Variants in TET1 observed in about 807,000 individuals in gnomAD.
TET1 encodes methylcytosine dioxygenase TET1.
A neutral mutation model predicts 148.7 loss-of-function variants in TET1; 13 were observed. The ratio of observed to expected loss-of-function variants is 0.09; its 90% CI spans 0.06 to 0.14. The LOEUF is 0.14. Ranked by LOEUF, TET1 falls within the 10% of genes least tolerant of loss-of-function variation. The probability of loss-of-function intolerance (pLI) is 1.00; values close to 1 mark genes in which losing one functional copy is unlikely to be tolerated. For missense variants in TET1, 2,182 were observed against 2,553.8 expected, an observed-to-expected ratio of 0.85 and a Z score of 3.14; for synonymous variants, 907 against 937.2, an observed-to-expected ratio of 0.97 and a Z score of 0.59.
At chr10:68,577,327 G>A (rs762047240) in intron 2 of TET1, among the ~76,000 whole-genome samples, 7 of 152,082 alleles carry the variant, frequency 4.6e-5, no homozygotes, top group Non-Finnish European at 8.8e-5. Flanking sequence ...GATTACAGGC[G>A]TGAGCCACCG....
At chr10:68,667,756 C>CA (rs1483968946) in intron 7 of TET1, among the ~76,000 whole-genome samples, 1 of 142,964 alleles carries the variant, frequency 7.0e-6, no homozygotes, top group Non-Finnish European at 1.5e-5. Flanking sequence ...AAAAAAAAAA[C>CA]AAAAAAGAAA....
chr10:68,669,642 C>CCG, intron 7 of TET1, among the ~76,000 whole-genome samples: 1 of 151,638 alleles, frequency 6.6e-6, no homozygotes, highest in Middle Eastern at 3.4e-3. Flanking sequence ...GCGTGAGCCA[C>CCG]CACGTCCAGC....
At chr10:68,568,976 A>G (rs1335524679) in intron 1 of TET1, among the ~76,000 whole-genome samples, 1 of 152,202 alleles carries the variant, frequency 6.6e-6, no homozygotes, top group Non-Finnish European at 1.5e-5. Flanking sequence ...GTCCACCACA[A>G]TGCCTTCCTT....
At chr10:68,596,387 A>C (rs963648454) in intron 2 of TET1, among the ~76,000 whole-genome samples, 1 of 152,154 alleles carries the variant, frequency 6.6e-6, no homozygotes, top group Non-Finnish European at 1.5e-5. Context: ...GCTCAAGTCA[A>C]GTTCTAACCT....
chr10:68,667,177 C>A lies in TET1; in HGVS notation c.4594C>A (p.Arg1532=), dbSNP rs1241056232. ...TGGCATCCCTCTTCCAATGGCCGAC[C>A]GGCTATACACAGAGCTCACAGAGAA... is the stretch of plus-strand genomic sequence containing the variant. ...WDGIPLPMAD[R]LYTELTENLK... Residue 1532 remains arginine (R), a synonymous_variant, in exon 7 of 12, where the codon CGG becomes AGG. Coordinates refer to ENST00000373644, the MANE Select transcript of TET1 (RefSeq NM_030625.3). 1.2e-6 allele frequency: 2 copies of A among 1,614,008 alleles called. No individual in the cohort carries two copies. Among genetic ancestry groups the A allele is most frequent in the Non-Finnish European group, 1.7e-6 (2 of 1,180,004 alleles).
rs1554932889 is a variant in TET1, at chr10:68,596,027, C to CATATATATATAT, written c.1915-4948_1915-4937dup. Reference sequence around the variant, plus strand: ...ACACACACACACACACACACACACACATATATATATATATATACACATTTT... The same window carrying CATATATATATAT: ...ACACACACACACACACACACACACACATATATATATATATATATATATATATATACACATTTT... On this transcript the variant is annotated intron_variant, in intron 2 of 11. Transcript: ENST00000373644. Among the ~76,000 whole-genome samples the CATATATATATAT allele has an allele frequency of 2.6e-3, 163 of 61,724 alleles. 4 individuals are homozygous for CATATATATATAT. The highest frequency in any genetic ancestry group is 0.011 in the Middle Eastern group (1 of 90). The allele number at this position is 61,724 out of a possible 152,430, so 40.5% of individuals were successfully genotyped here.
At chr10:68,673,493 C>T in intron 8 of TET1, 2 of 345,096 alleles carry the variant, frequency 5.8e-6, no homozygotes, top group Admixed American at 3.3e-5. Context: ...CCATGGTGAG[C>T]AAAGAAATTA....
intron 2 of TET1, among the ~76,000 whole-genome samples, chr10:68,588,088 C>A (rs937912242): frequency 1.3e-5 from 2 of 152,118 alleles, no homozygotes; most frequent in Non-Finnish European, 2.9e-5. Flanking sequence ...GTCTTGAACT[C>A]CTGACCTCAC....
intron 2 of TET1, among the ~76,000 whole-genome samples, chr10:68,583,114 T>G (rs2053820269): frequency 6.6e-6 from 1 of 152,224 alleles, no homozygotes; most frequent in Non-Finnish European, 1.5e-5. Context: ...GTCAGCATAA[T>G]CCAAGTTACA....
At chr10:68,667,762 A>T (rs1207655228) in intron 7 of TET1, among the ~76,000 whole-genome samples, 1 of 151,772 alleles carries the variant, frequency 6.6e-6, no homozygotes, top group African/African-American at 2.4e-5. Context: ...AAAACAAAAA[A>T]GAAAAGAATA....
intron 3 of TET1, among the ~76,000 whole-genome samples, chr10:68,608,091 G>A (rs1447319081): frequency 6.6e-6 from 1 of 151,950 alleles, no homozygotes; most frequent in Non-Finnish European, 1.5e-5. Flanking sequence ...ACCGCACCCA[G>A]CTAATTTTTG....
intron 2 of TET1, among the ~76,000 whole-genome samples, chr10:68,589,715 A>G (rs2053898566): frequency 1.5e-5 from 2 of 137,238 alleles, no homozygotes; most frequent in African/African-American, 5.8e-5. Context: ...TCTGTCACCC[A>G]GGCTGGAATA....
intron 1 of TET1, among the ~76,000 whole-genome samples, chr10:68,570,583 A>G (rs1329838025): frequency 6.6e-6 from 1 of 151,934 alleles, no homozygotes; most frequent in Non-Finnish European, 1.5e-5. Flanking sequence ...TGTGTTGATT[A>G]TATTTTTCTT....
At chr10:68,681,313 C>T in intron 8 of TET1, 86 bp from the exon 9 acceptor site, 1 of 771,516 alleles carries the variant, frequency 1.3e-6, no homozygotes, top group Non-Finnish European at 2.1e-6. Context: ...CATTAACCAC[C>T]ATCAGCCATG....
At chr10:68,682,754 G>A in intron 9 of TET1, 82 bp from the exon 10 acceptor site, 1 of 1,448,946 alleles carries the variant, frequency 6.9e-7, no homozygotes, top group East Asian at 2.3e-5. Flanking sequence ...GAAACTTCAT[G>A]AGGAAATTAT....
chr10:68,624,645 T>TTTC (rs2054435809), intron 3 of TET1, among the ~76,000 whole-genome samples: 1 of 52,436 alleles, frequency 1.9e-5, no homozygotes, highest in East Asian at 4.4e-4. Flanking sequence ...TCTTTCTTTC[T>TTTC]TTCTTTCTTT....
In TET1 at chr10:68,676,236, G is replaced by GTA. The variant is rs750680550; in HGVS notation, c.4824+3223_4824+3224dup. 3.7e-3 allele frequency among the ~76,000 whole-genome samples: 207 copies of GTA among 55,464 alleles called. 2 individuals carry two copies. The highest frequency in any genetic ancestry group is 4.2e-3 in the Non-Finnish European group (151 of 35,770). The allele number at this position is 55,464 out of a possible 152,430, so 36.4% of individuals were successfully genotyped here. On this transcript the variant is annotated intron_variant, in intron 8 of 11. Transcript: ENST00000373644. ...TATACACATATATATGTATGTATGT[G>GTA]TATATATATATATATATATATATAT...
At chr10:68,561,075 G>T (rs1026640713) in intron 1 of TET1, among the ~76,000 whole-genome samples, 2 of 152,212 alleles carry the variant, frequency 1.3e-5, no homozygotes, top group Non-Finnish European at 2.9e-5. Context: ...GGGGCTGGGG[G>T]AGGGCAAGTG....
chr10:68,591,540 C>T (rs755694581), intron 2 of TET1, among the ~76,000 whole-genome samples: 4 of 152,034 alleles, frequency 2.6e-5, no homozygotes, highest in African/African-American at 4.8e-5. Context: ...GTGTGAGACT[C>T]GAGTAAATGA....
Sources: gnomAD v4.1 joint callset for allele counts (sites outside exome capture counted in the v4.1 genomes callset) on GRCh38, gnomAD v4.1.1 for gene constraint, MANE v1.5 for transcripts, NCBI Gene and HGNC (gene_info 2026-07-23, HGNC 2026-07-21) for gene names.